PAPPA: variants seen among roughly 807,000 people sequenced by gnomAD.
PAPPA encodes pappalysin 1.
A neutral mutation model predicts 164.0 loss-of-function variants in PAPPA; 60 were observed. The observed-to-expected ratio is 0.37, with a 90% CI of 0.30 to 0.45. The LOEUF is 0.45. Among genes scored for constraint, PAPPA ranks in the 20% least tolerant of loss-of-function variants. The probability of loss-of-function intolerance (pLI) is 1.00; values close to 1 mark genes in which losing one functional copy is unlikely to be tolerated. For missense variants in PAPPA, 1,782 were observed against 2,087.3 expected, an observed-to-expected ratio of 0.85 and a Z score of 2.85; for synonymous variants, 875 against 814.1, an observed-to-expected ratio of 1.07 and a Z score of -1.27.
intron 1 of PAPPA, among the ~76,000 whole-genome samples, chr9:116,171,321 T>C (rs1843773463): frequency 3.9e-5 from 6 of 152,192 alleles, no homozygotes; most frequent in Non-Finnish European, 8.8e-5. Flanking sequence ...CCTTGTGGCA[T>C]GGGGTTGTTT....
chr9:116,348,403 C>T (rs1421908213), intron 15 of PAPPA, among the ~76,000 whole-genome samples: 1 of 151,934 alleles, frequency 6.6e-6, no homozygotes, highest in Non-Finnish European at 1.5e-5. Context: ...TTTCAACTTT[C>T]CTTCTTTTAC....
intron 1 of PAPPA, among the ~76,000 whole-genome samples, chr9:116,156,109 ATTT>A (rs35362408): frequency 1.5e-5 from 2 of 137,920 alleles, no homozygotes. Flanking sequence ...CTTGGAGGTG[ATTT>A]TTTTTTTTTT....
intron 21 of PAPPA, among the ~76,000 whole-genome samples, chr9:116,395,635 T>C (rs1588035041): frequency 1.3e-5 from 2 of 152,330 alleles, no homozygotes; most frequent in Admixed American, 1.3e-4. Context: ...TCCTATCAGT[T>C]TGCAGAAAGG....
At chr9:116,369,242 T>A (rs1277933051) in intron 19 of PAPPA, among the ~76,000 whole-genome samples, 1 of 151,934 alleles carries the variant, frequency 6.6e-6, no homozygotes, top group East Asian at 1.9e-4. Flanking sequence ...CCTCCACCAT[T>A]CCTGAACCAG....
At chr9:116,282,701 T>C (rs1015246118) in intron 9 of PAPPA, among the ~76,000 whole-genome samples, 3 of 152,136 alleles carry the variant, frequency 2.0e-5, no homozygotes, top group Non-Finnish European at 4.4e-5. Flanking sequence ...ATGCTACATC[T>C]CCATCATTAA....
intron 5 of PAPPA, among the ~76,000 whole-genome samples, 180 bp from the exon 6 acceptor site, chr9:116,227,250 TG>T (rs1844524475): frequency 6.6e-6 from 1 of 152,192 alleles, no homozygotes; most frequent in South Asian, 2.1e-4. Flanking sequence ...AGGTTCTTGC[TG>T]GGCAATGGGG....
intron 2 of PAPPA, among the ~76,000 whole-genome samples, chr9:116,189,290 A>G (rs924779900): frequency 2.0e-5 from 3 of 152,268 alleles, no homozygotes; most frequent in African/African-American, 4.8e-5. Flanking sequence ...GCACAAAACC[A>G]AAAGAAAATG....
In PAPPA at chr9:116,293,326, G is replaced by A. The variant is rs546704678; in HGVS notation, c.2954-9431G>A. Among the ~76,000 whole-genome samples, 16 of 152,192 alleles carry A rather than the reference G, an allele frequency of 1.1e-4. No individual in the cohort carries two copies. In the East Asian group the frequency reaches 2.3e-3, roughly 22 times the overall value. The stretch of plus-strand genomic sequence containing the variant: ...TTTTACATTTTTAAATCTTTAGATG[G>A]GCTATATTCTATTTTGCTGATTTGG... On this transcript the variant is annotated intron_variant, in intron 9 of 21. Transcript: ENST00000328252.
At chr9:116,191,587 A>G (rs777278173) in intron 2 of PAPPA, among the ~76,000 whole-genome samples, 4 of 152,244 alleles carry the variant, frequency 2.6e-5, no homozygotes, top group Admixed American at 6.5e-5. Context: ...AAAGTCATAT[A>G]GAAACATAAG....
intron 7 of PAPPA, among the ~76,000 whole-genome samples, chr9:116,263,122 CT>C (rs1286369099): frequency 6.6e-6 from 1 of 152,094 alleles, no homozygotes; most frequent in Admixed American, 6.5e-5. Flanking sequence ...CAAAGAGCTG[CT>C]TAAGCTTCTG....
intron 15 of PAPPA, among the ~76,000 whole-genome samples, chr9:116,348,266 C>T (rs1846237055): frequency 6.6e-6 from 1 of 151,498 alleles, no homozygotes; most frequent in South Asian, 2.1e-4. Flanking sequence ...TGTGCTGAGG[C>T]TTCTGCTTGG....
intron 7 of PAPPA, among the ~76,000 whole-genome samples, chr9:116,251,393 G>A (rs964948621): frequency 6.6e-6 from 1 of 152,196 alleles, no homozygotes; most frequent in Non-Finnish European, 1.5e-5. Context: ...TTTAGATGTG[G>A]TGCCAAATTC....
chr9:116,186,769 A>G (rs1843975546), intron 1 of PAPPA, among the ~76,000 whole-genome samples: 1 of 152,050 alleles, frequency 6.6e-6, no homozygotes, highest in Admixed American at 6.6e-5. Context: ...TCCCCATCCA[A>G]CAGCTTTGGA....
At chr9:116,325,200 T>C (rs1309444087) in intron 10 of PAPPA, among the ~76,000 whole-genome samples, 1 of 152,158 alleles carries the variant, frequency 6.6e-6, no homozygotes, top group African/African-American at 2.4e-5. Context: ...CTAGTTGTGA[T>C]ATACAACTGG....
chr9:116,366,185 A>C (rs980525545), intron 18 of PAPPA, among the ~76,000 whole-genome samples: 2 of 152,266 alleles, frequency 1.3e-5, no homozygotes. Flanking sequence ...CTTTGCCCAC[A>C]TGAATAAATG....
rs1222222806 is a variant in PAPPA, at chr9:116,265,953, A to C, written c.2829A>C (p.Gly943=). The C allele has an allele frequency of 6.2e-7, 1 of 1,612,806 alleles. No individual in the cohort carries two copies. Among genetic ancestry groups the C allele is most frequent in the South Asian group, 1.1e-5 (1 of 91,032 alleles). ...EPSPAVTYIH[G]SGYCGDGIIQ... is the part of the protein sequence containing the mutation. ...CACCTGCTGTCACATACATCCATGG[A>C]AGTGGGTACTGTGGCGATGGCATTA... is the stretch of plus-strand genomic sequence containing the variant. Residue 943 remains glycine (G), a synonymous_variant, in exon 8 of 22, where the codon GGA becomes GGC. Coordinates refer to ENST00000328252, the MANE Select transcript of PAPPA (RefSeq NM_002581.5).
chr9:116,306,530 AC>A (rs1283361529), intron 10 of PAPPA, among the ~76,000 whole-genome samples: 1 of 152,214 alleles, frequency 6.6e-6, no homozygotes, highest in African/African-American at 2.4e-5. Context: ...ATTGGGTTGA[AC>A]ATCCTATAAT....
At position 116,363,491 on chromosome 9, in the gene PAPPA, G is replaced by A. The variant is rs547319566; in HGVS notation, c.4495+752G>A. On this transcript the variant is annotated intron_variant, in intron 18 of 21. Coordinates refer to ENST00000328252, the MANE Select transcript of PAPPA (RefSeq NM_002581.5). ...GGATTGTATGCCAGGGATTTGCCTCGTTGAAACCAGGTGTCTGGACACATG... is the reference window on the plus strand; with the variant it reads ...GGATTGTATGCCAGGGATTTGCCTCATTGAAACCAGGTGTCTGGACACATG... Among the ~76,000 whole-genome samples, 56 of 152,296 alleles carry A rather than the reference G, an allele frequency of 3.7e-4. No individual in the cohort carries two copies. In the South Asian group the frequency reaches 3.7e-3, roughly 10 times the overall value.
chr9:116,170,140 A>G (rs1020125683), intron 1 of PAPPA, among the ~76,000 whole-genome samples: 1 of 152,106 alleles, frequency 6.6e-6, no homozygotes, highest in Non-Finnish European at 1.5e-5. Flanking sequence ...AAAGGGATAT[A>G]TGTCCCCCAA....
Sources: allele counts gnomAD v4.1 joint callset (sites outside exome capture counted in the v4.1 genomes callset), GRCh38; gene constraint gnomAD v4.1.1; transcripts MANE v1.5; gene names NCBI Gene and HGNC (gene_info 2026-07-23, HGNC 2026-07-21).